The following ROBO1 variants were observed in gnomAD, a reference collection of about 807,000 sequenced individuals.
The protein encoded by ROBO1 is roundabout homolog 1.
A neutral mutation model predicts 195.9 loss-of-function variants in ROBO1; 149 were observed. That is an observed-to-expected ratio of 0.76 (90% confidence interval 0.67 to 0.87). The LOEUF is 0.87. Among genes scored for constraint, ROBO1 ranks in the 40% least tolerant of loss-of-function variants. The probability of loss-of-function intolerance (pLI) is 0.00; values close to 1 mark genes in which losing one functional copy is unlikely to be tolerated. For synonymous variants in ROBO1, 816 were observed against 733.2 expected, an observed-to-expected ratio of 1.11 and a Z score of -1.82; for missense variants, 1,933 against 2,068.3, an observed-to-expected ratio of 0.93 and a Z score of 1.27.
At chr3:79,213,378 A>C (rs564023045) in intron 2 of ROBO1, among the ~76,000 whole-genome samples, 1 of 152,300 alleles carries the variant, frequency 6.6e-6, no homozygotes, top group African/African-American at 2.4e-5. Flanking sequence ...TAGCACATTT[A>C]TTTTTACAAT....
intron 22 of ROBO1, 126 bp downstream of exon 22, chr3:78,639,618 A>T: frequency 1.1e-6 from 1 of 870,284 alleles, no homozygotes. Context: ...TTGCTAAACA[A>T]TAGTCAGCAT....
chr3:79,029,453 A>T (rs1201014640), intron 3 of ROBO1, among the ~76,000 whole-genome samples: 1 of 152,276 alleles, frequency 6.6e-6, no homozygotes, highest in Admixed American at 6.5e-5. Context: ...ATTTTAACTT[A>T]TACTGGAATG....
At chr3:78,787,753 G>A (rs1447457986) in intron 4 of ROBO1, among the ~76,000 whole-genome samples, 6 of 151,878 alleles carry the variant, frequency 4.0e-5, no homozygotes, top group Admixed American at 2.6e-4. Context: ...ATTTCGAGAC[G>A]AGCACAGGCA....
At position 79,044,177 on chromosome 3, in the gene ROBO1, A is replaced by G. The variant is rs148788966; in HGVS notation, c.172+81279T>C. ...AAATCTCATCATCTTTTAAGAAAGT[A>G]TACAAATTTGTGTTAGCCTGCAGTT... On this transcript the variant is annotated intron_variant, in intron 3 of 30. Transcript: ENST00000464233. Among the ~76,000 whole-genome samples, 4 of 151,956 alleles carry G rather than the reference A, an allele frequency of 2.6e-5. 1 individual carries two copies. In the East Asian group the frequency reaches 7.8e-4, roughly 29 times the overall value.
chr3:79,303,706 A>G (rs2033087976), intron 2 of ROBO1, among the ~76,000 whole-genome samples: 1 of 152,192 alleles, frequency 6.6e-6, no homozygotes, highest in South Asian at 2.1e-4. Flanking sequence ...TTGGAACAAC[A>G]TGGATAAACC....
At chr3:79,532,840 CT>C (rs1304441717) in intron 2 of ROBO1, among the ~76,000 whole-genome samples, 2 of 152,140 alleles carry the variant, frequency 1.3e-5, no homozygotes, top group Non-Finnish European at 2.9e-5. Flanking sequence ...TTTTCCCTGA[CT>C]CCAGAAGCCA....
chr3:78,899,931 C>T (rs1449162212), intron 4 of ROBO1, among the ~76,000 whole-genome samples: 4 of 152,152 alleles, frequency 2.6e-5, no homozygotes, highest in Non-Finnish European at 5.9e-5. Flanking sequence ...AATGAAATTG[C>T]TTTCCACAGC....
chr3:79,227,209 C>T (rs1413823864), intron 2 of ROBO1, among the ~76,000 whole-genome samples: 1 of 152,102 alleles, frequency 6.6e-6, no homozygotes, highest in East Asian at 1.9e-4. Context: ...TTCACTGGCT[C>T]CCTAGCAGCT....
At chr3:79,144,272 G>C (rs1309798950) in intron 2 of ROBO1, among the ~76,000 whole-genome samples, 2 of 151,994 alleles carry the variant, frequency 1.3e-5, no homozygotes, top group African/African-American at 4.8e-5. Context: ...TTGTTTTCCA[G>C]AGTGTCTCAC....
intron 4 of ROBO1, among the ~76,000 whole-genome samples, chr3:78,752,816 G>A (rs1330296083): frequency 1.3e-5 from 2 of 152,000 alleles, no homozygotes; most frequent in Non-Finnish European, 2.9e-5. Context: ...TTTCCTAAAG[G>A]TACTCATTTA....
At chr3:78,885,952 TA>T (rs1384093090) in intron 4 of ROBO1, among the ~76,000 whole-genome samples, 89 of 145,514 alleles carry the variant, frequency 6.1e-4, no homozygotes, top group Admixed American at 2.1e-3. Flanking sequence ...CATACATATA[TA>T]TTTTTTTAAG....
At chr3:79,718,826 T>C (rs1702589559) in intron 1 of ROBO1, among the ~76,000 whole-genome samples, 1 of 152,054 alleles carries the variant, frequency 6.6e-6, no homozygotes, top group African/African-American at 2.4e-5. Flanking sequence ...CTAATGACAT[T>C]ATATATTTAT....
intron 8 of ROBO1, among the ~76,000 whole-genome samples, chr3:78,712,277 T>C (rs541855945): frequency 4.6e-5 from 7 of 152,260 alleles, no homozygotes; most frequent in Non-Finnish European, 8.8e-5. Flanking sequence ...CACTGCCTTT[T>C]AAAAATGAGC....
chr3:78,729,584 C>G (rs1255171770), intron 5 of ROBO1, among the ~76,000 whole-genome samples: 2 of 152,126 alleles, frequency 1.3e-5, no homozygotes, highest in Non-Finnish European at 2.9e-5. Context: ...ATAGTATTAA[C>G]CAGGAACAGA....
chr3:79,613,457 A>C (rs1241056313), intron 1 of ROBO1, among the ~76,000 whole-genome samples: 1 of 152,102 alleles, frequency 6.6e-6, no homozygotes, highest in Non-Finnish European at 1.5e-5. Flanking sequence ...ATTATTAAAA[A>C]TACTCAACTA....
chr3:79,576,908 T>C, intron 2 of ROBO1, among the ~76,000 whole-genome samples: 1 of 152,198 alleles, frequency 6.6e-6, no homozygotes, highest in East Asian at 1.9e-4. Flanking sequence ...CAGAGAACGT[T>C]AACAATTTGG....
At chr3:78,847,873 A>G (rs1407336016) in intron 4 of ROBO1, among the ~76,000 whole-genome samples, 1 of 152,220 alleles carries the variant, frequency 6.6e-6, no homozygotes. Context: ...AAGATAACGG[A>G]ATGTATGATA....
chr3:78,953,711 T>G (rs970355512), intron 3 of ROBO1, among the ~76,000 whole-genome samples: 2 of 152,012 alleles, frequency 1.3e-5, no homozygotes, highest in East Asian at 3.9e-4. Flanking sequence ...TGGATTCAGA[T>G]GGTCTGGGTT....
intron 4 of ROBO1, among the ~76,000 whole-genome samples, chr3:78,832,691 A>T (rs1034674244): frequency 2.0e-5 from 3 of 152,210 alleles, no homozygotes; most frequent in African/African-American, 7.2e-5. Flanking sequence ...GAAGCAGCGA[A>T]GAGTGATATC....
Sources: allele counts gnomAD v4.1 joint callset (sites outside exome capture counted in the v4.1 genomes callset), GRCh38; gene constraint gnomAD v4.1.1; transcripts MANE v1.5; gene names NCBI Gene and HGNC (gene_info 2026-07-23, HGNC 2026-07-21).